The following TANC2 variants were observed in gnomAD, a reference collection of about 807,000 sequenced individuals.
TANC2 encodes the protein protein TANC2.
TANC2 carries 26 observed loss-of-function variants against 210.5 expected under a neutral mutation model. The observed-to-expected ratio is 0.12, with a 90% CI of 0.09 to 0.17. The LOEUF (loss-of-function observed/expected upper bound fraction) is 0.17. TANC2 is among the 10% of genes least tolerant of loss of function. The pLI is 1.00. For missense variants in TANC2, 2,129 were observed against 2,608.9 expected (o/e 0.82, Z 4.01); for synonymous variants, 931 against 967.1 (o/e 0.96, Z 0.69).
intron 8 of TANC2, among the ~76,000 whole-genome samples, chr17:63,249,866 A>G (rs2043009872): frequency 6.6e-6 from 1 of 152,292 alleles, no homozygotes; most frequent in South Asian, 2.1e-4. Flanking sequence ...TTACTACTAT[A>G]ATCTGTTTGC....
intron 3 of TANC2, among the ~76,000 whole-genome samples, chr17:63,098,216 C>G (rs957354078): frequency 6.6e-5 from 10 of 151,966 alleles, no homozygotes; most frequent in Non-Finnish European, 1.5e-4. Context: ...TATTACCTTC[C>G]TCCACAAAGA....
intron 5 of TANC2, among the ~76,000 whole-genome samples, chr17:63,176,215 A>G (rs1005078091): frequency 1.3e-5 from 2 of 152,224 alleles, no homozygotes; most frequent in Non-Finnish European, 2.9e-5. Context: ...AGAAATTAAA[A>G]TATATGTCCA....
chr17:63,345,330 A>G (rs1055224510), intron 12 of TANC2, among the ~76,000 whole-genome samples: 2 of 152,210 alleles, frequency 1.3e-5, no homozygotes, highest in Non-Finnish European at 2.9e-5. Context: ...TAGATTAAAC[A>G]TAATCCTGGC....
chr17:63,132,970 T>G (rs1459097406), intron 4 of TANC2, among the ~76,000 whole-genome samples: 1 of 151,578 alleles, frequency 6.6e-6, no homozygotes, highest in Non-Finnish European at 1.5e-5. Flanking sequence ...GTAGCAGGGG[T>G]TTTTTTTGTT....
intron 9 of TANC2, among the ~76,000 whole-genome samples, chr17:63,302,753 A>G (rs933972804): frequency 4.6e-5 from 7 of 151,490 alleles, no homozygotes; most frequent in Admixed American, 4.6e-4. Context: ...CCGATTTGCC[A>G]GTCTGTGTCA....
intron 5 of TANC2, among the ~76,000 whole-genome samples, chr17:63,162,105 G>T (rs1453089466): frequency 2.0e-5 from 3 of 152,030 alleles, no homozygotes; most frequent in African/African-American, 7.2e-5. Flanking sequence ...GGGAGTTGGA[G>T]ACCAGTGTGG....
chr17:62,998,160 G>A (rs933502273), intron 1 of TANC2, among the ~76,000 whole-genome samples: 2 of 152,152 alleles, frequency 1.3e-5, no homozygotes, highest in African/African-American at 2.4e-5. Context: ...ACCAAGCTGA[G>A]GAATGAATCT....
chr17:63,365,553 A>G (rs535371400), intron 14 of TANC2, among the ~76,000 whole-genome samples: 11 of 152,348 alleles, frequency 7.2e-5, no homozygotes, highest in Admixed American at 1.3e-4. Context: ...GTGGCTTTCT[A>G]TGATTAGAGT....
At chr17:63,202,289 G>A (rs932993718) in intron 7 of TANC2, among the ~76,000 whole-genome samples, 3 of 152,042 alleles carry the variant, frequency 2.0e-5, no homozygotes, top group Non-Finnish European at 4.4e-5. Context: ...TTTAAGAATA[G>A]TATAAAACTA....
chr17:63,030,945 A>G (rs542762243), intron 2 of TANC2, among the ~76,000 whole-genome samples: 1 of 152,212 alleles, frequency 6.6e-6, no homozygotes, highest in South Asian at 2.1e-4. Flanking sequence ...TAATAATCCA[A>G]ATATTTTGAT....
At chr17:63,325,646 T>C (rs905593962) in intron 11 of TANC2, among the ~76,000 whole-genome samples, 2 of 152,224 alleles carry the variant, frequency 1.3e-5, no homozygotes, top group African/African-American at 4.8e-5. Flanking sequence ...CCTAGCACAG[T>C]GCCTGATATA....
chr17:63,230,928 T>G (rs931943819), intron 7 of TANC2, among the ~76,000 whole-genome samples: 3 of 152,162 alleles, frequency 2.0e-5, no homozygotes, highest in African/African-American at 7.2e-5. Flanking sequence ...TAAGAACTTG[T>G]TTTATGAATC....
chr17:63,183,603 C>G (rs983460746), intron 5 of TANC2, among the ~76,000 whole-genome samples: 55 of 152,316 alleles, frequency 3.6e-4, no homozygotes, highest in Non-Finnish European at 5.7e-4. Flanking sequence ...ACAGTCCAGA[C>G]TCCACCACTG....
chr17:63,424,393 G>C (rs951276877), exon 28 of TANC2: 11 of 152,180 alleles, frequency 7.2e-5, no homozygotes, highest in Non-Finnish European at 1.6e-4. Context: ...GCTTGTTGGG[G>C]CAGGAGACGT....
chr17:63,051,244 C>G (rs1047575057), intron 2 of TANC2, among the ~76,000 whole-genome samples: 5 of 152,194 alleles, frequency 3.3e-5, no homozygotes, highest in Non-Finnish European at 7.4e-5. Context: ...GCTTCTTACC[C>G]ATACTTTCTG....
At chr17:63,083,738 A>G (rs974433042) in intron 3 of TANC2, among the ~76,000 whole-genome samples, 1 of 152,192 alleles carries the variant, frequency 6.6e-6, no homozygotes, top group African/African-American at 2.4e-5. Flanking sequence ...ATCTGATCAT[A>G]TGGATATGAT....
chr17:63,422,068 T>G, exon 28 of TANC2: 2 of 1,364,244 alleles, frequency 1.5e-6, no homozygotes, highest in Non-Finnish European at 2.0e-6. Context: ...CTGTGTGGTG[T>G]TCAGAGGTGG....
At chr17:63,071,428 A>T (rs1470264778) in intron 2 of TANC2, among the ~76,000 whole-genome samples, 3 of 152,100 alleles carry the variant, frequency 2.0e-5, no homozygotes, top group Non-Finnish European at 4.4e-5. Context: ...AAGTGCTGGG[A>T]TTACAGGTGT....
intron 8 of TANC2, among the ~76,000 whole-genome samples, chr17:63,255,229 C>G (rs1414723627): frequency 6.6e-6 from 1 of 151,792 alleles, no homozygotes; most frequent in Non-Finnish European, 1.5e-5. Flanking sequence ...CTCAGCCTCC[C>G]GAGCAGCTAG....
Sources: gnomAD v4.1 joint callset for allele counts (sites outside exome capture counted in the v4.1 genomes callset) on GRCh38, gnomAD v4.1.1 for gene constraint, MANE v1.5 for transcripts, NCBI Gene and HGNC (gene_info 2026-07-23, HGNC 2026-07-21) for gene names.